DENND1A: variants seen among roughly 807,000 people sequenced by gnomAD.
The protein encoded by DENND1A is DENN domain containing 1A.
In DENND1A, 51 loss-of-function variants were observed where a neutral mutation model predicts 113.7. The observed-to-expected ratio is 0.45, with a 90% confidence interval of 0.36 to 0.57. DENND1A has a LOEUF of 0.57. DENND1A is among the 20% of genes least tolerant of loss of function. DENND1A has a pLI of 0.00. For missense variants in DENND1A, 1,258 were observed against 1,395.9 expected (o/e 0.90, Z 1.57); for synonymous variants, 565 against 570.8 (o/e 0.99, Z 0.14).
intron 13 of DENND1A, among the ~76,000 whole-genome samples, chr9:123,519,045 C>T (rs2054171663): frequency 6.6e-6 from 1 of 152,182 alleles, no homozygotes; most frequent in South Asian, 2.1e-4. Context: ...CCTTCGGTCC[C>T]TCCTAGGGGC....
At chr9:123,807,590 C>A (rs1457966056) in intron 2 of DENND1A, among the ~76,000 whole-genome samples, 7 of 152,218 alleles carry the variant, frequency 4.6e-5, no homozygotes, top group Admixed American at 2.0e-4. Flanking sequence ...GATAAAGGCA[C>A]CACAGACTTC....
intron 17 of DENND1A, among the ~76,000 whole-genome samples, chr9:123,451,245 C>A (rs570385208): frequency 6.6e-6 from 1 of 152,314 alleles, no homozygotes; most frequent in African/African-American, 2.4e-5. Context: ...GATTTCAGGT[C>A]ATTTTAGACC....
At position 123,745,857 on chromosome 9, in the gene DENND1A, C is replaced by G. The variant is rs2069454319; in HGVS notation, c.302+11846G>C. ...TGGTATATCATCATACAACACAGAA[C>G]ACTAGATAGCAAAGAAGACAGACTA... On this transcript the variant is annotated intron_variant, in intron 5 of 23. Transcript: ENST00000394215. 2.0e-5 allele frequency among the ~76,000 whole-genome samples: 3 copies of G among 152,020 alleles called. No individual in the cohort carries two copies. In the South Asian group the frequency reaches 6.2e-4, roughly 32 times the overall value.
In DENND1A at chr9:123,457,449, G is replaced by T. The variant is rs571781597; in HGVS notation, c.1099-14C>A. 9.4e-6 allele frequency: 15 copies of T among 1,600,130 alleles called. No homozygotes were observed. The South Asian group carries it at 1.5e-4, about 16-fold the overall frequency. ...ACCATCAATAAACTATAGAAAGAAG[G>T]AACAAAAGCACAACAGCTCGTACAA... On this transcript the variant is annotated splice_polypyrimidine_tract_variant and intron_variant, in intron 14 of 23. Transcript: ENST00000394215.
intron 2 of DENND1A, among the ~76,000 whole-genome samples, chr9:123,816,317 A>T (rs943972885): frequency 3.9e-5 from 6 of 152,100 alleles, no homozygotes; most frequent in Admixed American, 1.3e-4. Context: ...CAAATCTTAC[A>T]AGTTCACTAA....
At chr9:123,870,820 C>T (rs1508) in intron 2 of DENND1A, among the ~76,000 whole-genome samples, 10,905 of 152,054 alleles carry the variant, frequency 0.072, 611 homozygotes, top group African/African-American at 0.16. Flanking sequence ...TTTCCTCAAA[C>T]ATAAGAGCCA....
At chr9:123,493,088 TGATGCTCAGGCAGGGCTGG>T (rs569695029) in intron 13 of DENND1A, 1 of 152,490 alleles carries the variant, frequency 6.6e-6, no homozygotes, top group African/African-American at 2.4e-5. Context: ...GGAGGGGCAG[TGATGCTCAGGCAGGGCTGG>T]GATGCTCAGG....
rs150262753 is a variant in DENND1A at position 123,613,659 on chromosome 9, G to A, written c.720-4178C>T. Among the ~76,000 whole-genome samples the A allele has an allele frequency of 4.8e-4, 73 of 152,132 alleles. No homozygotes were observed. In the East Asian group the frequency reaches 6.6e-3, roughly 14 times the overall value. ...GTGCAATTTTGAAGACATTTTAAAC[G>A]GCAATTAAACAACATGTGCAGAACC... On this transcript the variant is annotated intron_variant, in intron 10 of 23. Transcript: ENST00000394215.
chr9:123,808,242 C>CA (rs1027097079), intron 2 of DENND1A, among the ~76,000 whole-genome samples: 50 of 151,146 alleles, frequency 3.3e-4, no homozygotes, highest in Middle Eastern at 3.4e-3. Context: ...AAAAACAAAC[C>CA]AAAAAAAACA....
At chr9:123,651,554 C>T in intron 9 of DENND1A, among the ~76,000 whole-genome samples, 1 of 152,202 alleles carries the variant, frequency 6.6e-6, no homozygotes, top group Non-Finnish European at 1.5e-5. Context: ...CTTATCAAGC[C>T]CTTTGACCTA....
chr9:123,427,644 G>A (rs2045844106), intron 19 of DENND1A, among the ~76,000 whole-genome samples: 2 of 152,204 alleles, frequency 1.3e-5, no homozygotes, highest in African/African-American at 2.4e-5. Flanking sequence ...AGTGGACAAA[G>A]AGCTGAGACA....
At chr9:123,574,830 G>A (rs1449301229) in intron 12 of DENND1A, among the ~76,000 whole-genome samples, 1 of 152,156 alleles carries the variant, frequency 6.6e-6, no homozygotes, top group African/African-American at 2.4e-5. Context: ...GCATATCTTA[G>A]ATTACCACCA....
At chr9:123,757,922 C>G in intron 4 of DENND1A, 100 bp from the exon 5 acceptor site, 1 of 1,343,506 alleles carries the variant, frequency 7.4e-7, no homozygotes, top group Non-Finnish European at 9.9e-7. Flanking sequence ...CATTTCCTCT[C>G]TCAGTGGAAC....
chr9:123,393,786 T>C (rs1173236592), intron 21 of DENND1A, among the ~76,000 whole-genome samples: 2 of 152,192 alleles, frequency 1.3e-5, no homozygotes, highest in Non-Finnish European at 2.9e-5. Context: ...AGAATTCTTG[T>C]TGCCACAAGT....
intron 5 of DENND1A, among the ~76,000 whole-genome samples, chr9:123,685,739 T>C (rs1388452628): frequency 2.6e-5 from 4 of 152,198 alleles, no homozygotes; most frequent in Admixed American, 6.5e-5. Context: ...GCACCTGCAC[T>C]GACAATTCAG....
intron 9 of DENND1A, among the ~76,000 whole-genome samples, chr9:123,643,070 A>G (rs2062113523): frequency 6.6e-6 from 1 of 152,154 alleles, no homozygotes. Context: ...AGGCTGGAAA[A>G]GTCTCCATGT....
chr9:123,542,841 GCCTC>G (rs1411583383), intron 13 of DENND1A, among the ~76,000 whole-genome samples: 3 of 152,116 alleles, frequency 2.0e-5, no homozygotes, highest in Non-Finnish European at 4.4e-5. Flanking sequence ...TCTCTGGATT[GCCTC>G]CCTGTCTTCT....
intron 5 of DENND1A, among the ~76,000 whole-genome samples, chr9:123,690,309 T>C (rs139637904): frequency 6.6e-6 from 1 of 152,346 alleles, no homozygotes; most frequent in East Asian, 1.9e-4. Context: ...CATTCTTTTC[T>C]GTGTCTTCTA....
intron 1 of DENND1A, among the ~76,000 whole-genome samples, chr9:123,912,545 T>A (rs1446871964): frequency 6.6e-6 from 1 of 152,084 alleles, no homozygotes; most frequent in African/African-American, 2.4e-5. Flanking sequence ...CGTCCCACCC[T>A]CACCCAAATC....
Sources: gnomAD v4.1 joint callset for allele counts (sites outside exome capture counted in the v4.1 genomes callset) on GRCh38, gnomAD v4.1.1 for gene constraint, MANE v1.5 for transcripts, NCBI Gene and HGNC (gene_info 2026-07-23, HGNC 2026-07-21) for gene names.